Variants in ADGRV1 observed in about 807,000 individuals in gnomAD.
The protein encoded by ADGRV1 is G-protein coupled receptor 98.
ADGRV1 carries 359 observed loss-of-function variants against 596.2 expected under a neutral mutation model. That is an observed-to-expected ratio of 0.60 (90% CI 0.55 to 0.66). ADGRV1 has a LOEUF of 0.66. ADGRV1 is among the 30% of genes least tolerant of loss of function. ADGRV1 has a pLI of 0.00. For synonymous variants in ADGRV1, 2,681 were observed against 2,679.2 expected, an observed-to-expected ratio of 1.00 and a Z score of -0.02; for missense variants, 7,274 against 7,575.6, an observed-to-expected ratio of 0.96 and a Z score of 1.48.
intron 34 of ADGRV1, among the ~76,000 whole-genome samples, chr5:90,702,917 T>A (rs561171890): frequency 6.6e-6 from 1 of 152,140 alleles, no homozygotes; most frequent in South Asian, 2.1e-4. Context: ...AGCTAGTGAA[T>A]TGAGCATATT....
rs142499994 is a variant in ADGRV1, at chr5:90,650,211, C to T, written c.3290-1393C>T. 2.6e-5 allele frequency among the ~76,000 whole-genome samples: 4 copies of T among 152,280 alleles called. No homozygotes were observed. In the East Asian group the frequency reaches 7.7e-4, roughly 29 times the overall value. On this transcript the variant is annotated intron_variant, in intron 17 of 89. Coordinates refer to ENST00000405460, the MANE Select transcript of ADGRV1 (RefSeq NM_032119.4). ...ATGCTAATCATTTAGAGCATATGCTCTGATATTGGATCAAAGGATATGGCC... is the reference window on the plus strand; with the variant it reads ...ATGCTAATCATTTAGAGCATATGCTTTGATATTGGATCAAAGGATATGGCC...
chr5:91,050,036 C>A (rs867386413), intron 85 of ADGRV1, among the ~76,000 whole-genome samples: 1 of 152,196 alleles, frequency 6.6e-6, no homozygotes, highest in East Asian at 1.9e-4. Flanking sequence ...ATGTCCTCCT[C>A]CAGATCCTGC....
chr5:90,799,559 A>C (rs1307676394), intron 70 of ADGRV1, among the ~76,000 whole-genome samples: 1 of 152,204 alleles, frequency 6.6e-6, no homozygotes, highest in African/African-American at 2.4e-5. Flanking sequence ...GACTTTCTTC[A>C]TAGAATTGGA....
intron 70 of ADGRV1, among the ~76,000 whole-genome samples, chr5:90,798,133 G>A (rs1760955866): frequency 6.6e-6 from 1 of 152,140 alleles, no homozygotes. Context: ...AATCAATCCA[G>A]TAGCTGATTT....
At chr5:90,687,952 A>G (rs1745904746) in intron 29 of ADGRV1, among the ~76,000 whole-genome samples, 1 of 152,192 alleles carries the variant, frequency 6.6e-6, no homozygotes, top group Non-Finnish European at 1.5e-5. Flanking sequence ...AAGAATCAAT[A>G]TCGTGAAAAT....
intron 1 of ADGRV1, among the ~76,000 whole-genome samples, chr5:90,612,824 G>C (rs75978320): frequency 2.6e-5 from 4 of 151,908 alleles, no homozygotes; most frequent in Non-Finnish European, 4.4e-5. Flanking sequence ...TACAAATTTG[G>C]CCTTTTGTAT....
chr5:90,848,850 C>A (rs538990504), intron 79 of ADGRV1, 29 bp downstream of exon 79: 44 of 1,478,420 alleles, frequency 3.0e-5, no homozygotes, highest in Non-Finnish European at 3.8e-5. Context: ...ATTAGCAGTA[C>A]CTTTTATGCA....
chr5:90,592,010 A>G (rs747945238), intron 1 of ADGRV1, among the ~76,000 whole-genome samples: 1 of 152,214 alleles, frequency 6.6e-6, no homozygotes, highest in Non-Finnish European at 1.5e-5. Context: ...TTCAGGATGT[A>G]ACTTAGGTGA....
At chr5:90,885,194 A>G (rs1404881391) in intron 83 of ADGRV1, among the ~76,000 whole-genome samples, 1 of 152,200 alleles carries the variant, frequency 6.6e-6, no homozygotes, top group East Asian at 1.9e-4. Flanking sequence ...ATTTTTCACA[A>G]GACAGACTCA....
chr5:90,625,574 C>T (rs1764631185), intron 6 of ADGRV1: 1 of 174,176 alleles, frequency 5.7e-6, no homozygotes, highest in African/African-American at 2.4e-5. Flanking sequence ...AAGAAAAATT[C>T]TACTGCAGTT....
chr5:90,744,946 C>A (rs1754436488), intron 50 of ADGRV1, 100 bp from the exon 51 acceptor site: 4 of 767,730 alleles, frequency 5.2e-6, no homozygotes, highest in Non-Finnish European at 8.9e-6. Flanking sequence ...CACAATGGAA[C>A]TTTGAGATTT....
At chr5:90,657,059 G>A (rs890458170) in intron 20 of ADGRV1, among the ~76,000 whole-genome samples, 13 of 152,096 alleles carry the variant, frequency 8.5e-5, no homozygotes, top group African/African-American at 3.1e-4. Flanking sequence ...TTAACTCAAT[G>A]AGTGTCTAAC....
At chr5:90,668,486 A>G (rs1195944786) in intron 21 of ADGRV1, among the ~76,000 whole-genome samples, 1 of 151,966 alleles carries the variant, frequency 6.6e-6, no homozygotes, top group African/African-American at 2.4e-5. Flanking sequence ...TGGTGCGCGC[A>G]CCCACTGACC....
chr5:90,599,581 A>T (rs187620194), intron 1 of ADGRV1, among the ~76,000 whole-genome samples: 3 of 152,312 alleles, frequency 2.0e-5, no homozygotes, highest in African/African-American at 4.8e-5. Flanking sequence ...GCATTATAGA[A>T]AGTCATTAAA....
At chr5:90,740,208 G>A (rs2149882857) in intron 50 of ADGRV1, among the ~76,000 whole-genome samples, 1 of 152,188 alleles carries the variant, frequency 6.6e-6, no homozygotes, top group African/African-American at 2.4e-5. Context: ...TGTGGATAAT[G>A]CTGACCTGCC....
intron 85 of ADGRV1, among the ~76,000 whole-genome samples, chr5:90,993,391 T>A (rs949467462): frequency 6.6e-6 from 1 of 152,026 alleles, no homozygotes; most frequent in African/African-American, 2.4e-5. Context: ...ACTCCTGATC[T>A]TGTGATCCAC....
At chr5:90,913,911 G>C (rs1230987385) in intron 83 of ADGRV1, among the ~76,000 whole-genome samples, 1 of 152,106 alleles carries the variant, frequency 6.6e-6, no homozygotes, top group African/African-American at 2.4e-5. Flanking sequence ...ATCTTTGCGG[G>C]TGAATATTGT....
intron 42 of ADGRV1, among the ~76,000 whole-genome samples, chr5:90,716,024 T>G (rs2149741541): frequency 6.6e-6 from 1 of 152,318 alleles, no homozygotes; most frequent in Non-Finnish European, 1.5e-5. Context: ...CTCTTACATT[T>G]TCTTAGTAGA....
chr5:90,660,739 A>G (rs1041386775), intron 21 of ADGRV1, among the ~76,000 whole-genome samples: 2 of 152,192 alleles, frequency 1.3e-5, no homozygotes, highest in Non-Finnish European at 2.9e-5. Context: ...AAAAAATTTA[A>G]AATAGGCCTT....
Sources: gnomAD v4.1 joint callset for allele counts (sites outside exome capture counted in the v4.1 genomes callset) on GRCh38, gnomAD v4.1.1 for gene constraint, MANE v1.5 for transcripts, NCBI Gene and HGNC (gene_info 2026-07-23, HGNC 2026-07-21) for gene names.